The following FGF12 variants were observed in gnomAD, a reference collection of about 807,000 sequenced individuals.
FGF12 encodes the protein fibroblast growth factor 12.
A neutral mutation model predicts 23.6 loss-of-function variants in FGF12; 14 were observed. The observed-to-expected ratio is 0.59, with a 90% CI of 0.39 to 0.93. The LOEUF is 0.93. FGF12 is among the 40% of genes least tolerant of loss of function. The pLI, the probability that FGF12 is intolerant of heterozygous loss-of-function variation, is 0.00. For missense variants in FGF12, 175 were observed against 217.8 expected (o/e 0.80, Z 1.24); for synonymous variants, 62 against 77.3 (o/e 0.80, Z 1.04).
intron 2 of FGF12, among the ~76,000 whole-genome samples, chr3:192,458,440 C>T (rs138135701): frequency 2.2e-3 from 331 of 152,322 alleles, no homozygotes; most frequent in African/African-American, 7.3e-3. Flanking sequence ...CCACCTCTTG[C>T]ATCAGTGTGA....
rs1409687777 is a variant in FGF12, at chr3:192,345,556, G to A, written c.125-10092C>T. On this transcript the variant is annotated intron_variant, in intron 3 of 5. Transcript: ENST00000445105. ...CAAAAAATTAGCCGGGCGTGGTAGC[G>A]GGCGCCTGTAGTCCCAGCTACTCGG... Among the ~76,000 whole-genome samples, 9 of 93,828 alleles carry A rather than the reference G, an allele frequency of 9.6e-5. 3 individuals are homozygous for A. Among genetic ancestry groups the A allele is most frequent in the Non-Finnish European group, 1.6e-4 (9 of 56,038 alleles). 61.6% of individuals were successfully genotyped at this position (93,828 alleles called of 152,430 possible). A position where few individuals can be genotyped will look rare whatever the true frequency, so the allele number is the denominator to read the frequency against.
rs77884465 is a variant in FGF12, at chr3:192,594,842, G to T, written c.13+132339C>A. Among the ~76,000 whole-genome samples the T allele has an allele frequency of 6.4e-3, 977 of 151,958 alleles. 18 individuals carry two copies. The highest frequency in any genetic ancestry group is 0.022 in the African/African-American group (929 of 41,518). Reference sequence around the variant, plus strand: ...GAAATAAATTTGTTTATAAATTGCCGAATCTGTGATATTCTGTTACAGCAA... The same window carrying T: ...GAAATAAATTTGTTTATAAATTGCCTAATCTGTGATATTCTGTTACAGCAA... On this transcript the variant is annotated intron_variant, in intron 2 of 5. Transcript: ENST00000445105.
chr3:192,542,711 A>G (rs3416), intron 2 of FGF12, among the ~76,000 whole-genome samples: 4,855 of 151,654 alleles, frequency 0.032, 122 homozygotes, highest in Non-Finnish European at 0.047. Flanking sequence ...CTGCAGCCCC[A>G]TCTGTATTAG....
At chr3:192,705,676 C>T (rs147808202) in intron 2 of FGF12, among the ~76,000 whole-genome samples, 2 of 152,182 alleles carry the variant, frequency 1.3e-5, no homozygotes, top group East Asian at 1.9e-4. Flanking sequence ...GTAAGAATTA[C>T]CAAAATGTGA....
At chr3:192,629,026 T>C (rs1256287830) in intron 2 of FGF12, among the ~76,000 whole-genome samples, 2 of 152,218 alleles carry the variant, frequency 1.3e-5, no homozygotes, top group African/African-American at 4.8e-5. Flanking sequence ...ACATGGTTTC[T>C]GTAAACTACA....
At chr3:192,724,577 G>A (rs976414805) in intron 2 of FGF12, among the ~76,000 whole-genome samples, 6 of 152,094 alleles carry the variant, frequency 3.9e-5, no homozygotes, top group African/African-American at 1.2e-4. Context: ...CTCGGACTGC[G>A]TACCAACCCA....
intron 2 of FGF12, among the ~76,000 whole-genome samples, chr3:192,517,738 A>G (rs1724706914): frequency 6.6e-6 from 1 of 152,192 alleles, no homozygotes; most frequent in Admixed American, 6.5e-5. Context: ...GTAAGTAAGT[A>G]TGAAAGGGAC....
intron 2 of FGF12, among the ~76,000 whole-genome samples, chr3:192,608,061 A>G (rs980965784): frequency 6.6e-6 from 1 of 152,098 alleles, no homozygotes; most frequent in Admixed American, 6.6e-5. Context: ...CAAACTTCGC[A>G]TGCTCTCGCT....
At chr3:192,185,535 TC>T (rs930784081) in intron 4 of FGF12, among the ~76,000 whole-genome samples, 83 of 152,172 alleles carry the variant, frequency 5.5e-4, no homozygotes, top group African/African-American at 1.8e-3. Flanking sequence ...TCTTTTTTTT[TC>T]ATGAATTTTT....
At chr3:192,652,774 T>C (rs1310198524) in intron 2 of FGF12, among the ~76,000 whole-genome samples, 1 of 152,218 alleles carries the variant, frequency 6.6e-6, no homozygotes, top group Non-Finnish European at 1.5e-5. Flanking sequence ...CTTCCGCCCA[T>C]TTGAATATCC....
At chr3:192,611,985 GGA>G (rs1714565629) in intron 2 of FGF12, among the ~76,000 whole-genome samples, 1 of 151,948 alleles carries the variant, frequency 6.6e-6, no homozygotes, top group Admixed American at 6.6e-5. Flanking sequence ...GACATTCTAC[GGA>G]GAGTCATTGA....
rs56933017 is a variant in FGF12, at chr3:192,141,128, CAAAAAAAAAA to C, written c.*2871_*2880del. On this transcript the variant is annotated 3_prime_UTR_variant, in exon 6 of 6. Transcript: ENST00000445105. The stretch of plus-strand genomic sequence containing the variant: ...CCTGGGAAAAATCCCAATGCAACTC[CAAAAAAAAAA>C]AAAAAAAAAAAAAAAAGCTTATTTT... The C allele has an allele frequency of 0.013, 535 of 41,244 alleles. 9 individuals carry two copies. The highest frequency in any genetic ancestry group is 0.053 in the African/African-American group (519 of 9,854). 2.6% of individuals were successfully genotyped at this position (41,244 alleles called of 1,614,324 possible).
chr3:192,536,597 T>C (rs1207377266), intron 2 of FGF12, among the ~76,000 whole-genome samples: 1 of 152,122 alleles, frequency 6.6e-6, no homozygotes, highest in African/African-American at 2.4e-5. Flanking sequence ...TGTTGAGAAT[T>C]TTCTAAGACA....
intron 2 of FGF12, among the ~76,000 whole-genome samples, chr3:192,488,884 T>A (rs1196930537): frequency 6.6e-6 from 1 of 152,074 alleles, no homozygotes; most frequent in African/African-American, 2.4e-5. Context: ...TCAACTGATT[T>A]CATGACAAAT....
chr3:192,512,859 T>TATATATATATATATATAA (rs376386122), intron 2 of FGF12, among the ~76,000 whole-genome samples: 2,926 of 56,898 alleles, frequency 0.051, 146 homozygotes, highest in East Asian at 0.088. Context: ...TATATATATA[T>TATATATATATATATATAA]AACAGGCTAT....
intron 3 of FGF12, among the ~76,000 whole-genome samples, chr3:192,352,131 A>G (rs1483611490): frequency 6.6e-6 from 1 of 152,182 alleles, no homozygotes; most frequent in African/African-American, 2.4e-5. Flanking sequence ...ATTAATCAAA[A>G]TGTAACAGAT....
chr3:192,237,283 G>T (rs1292145163), intron 4 of FGF12, among the ~76,000 whole-genome samples: 2 of 152,002 alleles, frequency 1.3e-5, no homozygotes, highest in Non-Finnish European at 2.9e-5. Flanking sequence ...TTCCACATTG[G>T]TTTCGAAGAA....
At chr3:192,231,383 T>C (rs757539623) in intron 4 of FGF12, among the ~76,000 whole-genome samples, 8 of 152,124 alleles carry the variant, frequency 5.3e-5, no homozygotes, top group Non-Finnish European at 8.8e-5. Flanking sequence ...GAACTCCAAA[T>C]AAACACTTTA....
At chr3:192,173,507 A>G (rs1715687257) in intron 4 of FGF12, among the ~76,000 whole-genome samples, 2 of 139,316 alleles carry the variant, frequency 1.4e-5, no homozygotes, top group Non-Finnish European at 3.3e-5. Flanking sequence ...AATATAGATG[A>G]TAATATTAAG....
Sources: gnomAD v4.1 joint callset for allele counts (sites outside exome capture counted in the v4.1 genomes callset) on GRCh38, gnomAD v4.1.1 for gene constraint, MANE v1.5 for transcripts, NCBI Gene and HGNC (gene_info 2026-07-23, HGNC 2026-07-21) for gene names.